Variants in METTL16 observed in about 807,000 individuals in gnomAD.
The protein encoded by METTL16 is RNA N(6)-adenosine-methyltransferase METTL16.
METTL16 carries 19 observed loss-of-function variants against 57.9 expected under a neutral mutation model. The observed-to-expected ratio is 0.33, with a 90% confidence interval of 0.23 to 0.48. The LOEUF is 0.48. METTL16 is among the 20% of genes least tolerant of loss of function. The pLI is 0.99. For missense variants in METTL16, 434 were observed against 691.5 expected (o/e 0.63, Z 4.18); for synonymous variants, 246 against 255.6 (o/e 0.96, Z 0.36).
chr17:2,460,467 T>C (rs2067141404), intron 6 of METTL16, among the ~76,000 whole-genome samples: 1 of 152,170 alleles, frequency 6.6e-6, no homozygotes, highest in African/African-American at 2.4e-5. Flanking sequence ...GTAGTTCAAA[T>C]GGTACTTTGG....
At chr17:2,429,776 GA>G (rs2066855873) in intron 8 of METTL16, among the ~76,000 whole-genome samples, 1 of 151,282 alleles carries the variant, frequency 6.6e-6, no homozygotes, top group Non-Finnish European at 1.5e-5. Context: ...CAAAAAAAAA[GA>G]ACAATCAACC....
At chr17:2,465,940 C>G (rs2067191686) in intron 5 of METTL16, among the ~76,000 whole-genome samples, 1 of 151,812 alleles carries the variant, frequency 6.6e-6, no homozygotes, top group Admixed American at 6.6e-5. Flanking sequence ...CACCTGTAAT[C>G]CCAGCACTTT....
intron 2 of METTL16, among the ~76,000 whole-genome samples, chr17:2,489,111 C>CTTTTTTTT (rs11404983): frequency 2.1e-5 from 3 of 146,314 alleles, no homozygotes; most frequent in African/African-American, 2.5e-5. Flanking sequence ...ACTTTTCATT[C>CTTTTTTTT]TTTTTTTTTT....
intron 5 of METTL16, 89 bp downstream of exon 5, chr17:2,467,672 C>T (rs1270101664): frequency 1.0e-4 from 94 of 899,600 alleles, no homozygotes; most frequent in South Asian, 9.8e-5. Context: ...ATGATTCACC[C>T]GCCTTGGCCT....
chr17:2,420,942 T>C lies in METTL16; in HGVS notation c.889-38A>G. ...GGAAGCATAGAAAAGAGAAGAAAGT[T>C]ATCCGAATAATTAAACCTCATGCAT... is the stretch of plus-strand genomic sequence containing the variant. On this transcript the variant is annotated intron_variant, in intron 8 of 9. Transcript: ENST00000263092. This position sits in a 1 kb window ranked among gnomAD's most constrained non-coding sequence, Gnocchi z 5.4. The C allele has an allele frequency of 6.3e-7, 1 of 1,597,290 alleles. No homozygotes were observed. Among genetic ancestry groups the C allele is most frequent in the East Asian group, 2.2e-5 (1 of 44,740 alleles).
rs552660960 is a variant in METTL16 at position 2,496,311 on chromosome 17, T to G, written c.128+5893A>C. The stretch of plus-strand genomic sequence containing the variant: ...AGTTCCAAATTACGTCAAACAGTGT[T>G]TTTTAGAGATGGGTCTCACCTTGTC... On this transcript the variant is annotated intron_variant, in intron 2 of 9. Transcript: ENST00000263092. Among the ~76,000 whole-genome samples, 91 of 151,668 alleles carry G rather than the reference T, an allele frequency of 6.0e-4. 5 individuals are homozygous for G. The highest frequency in any genetic ancestry group is 2.2e-3 in the African/African-American group (90 of 40,990).
intron 3 of METTL16, among the ~76,000 whole-genome samples, chr17:2,474,608 C>T (rs2067257402): frequency 1.3e-5 from 2 of 152,136 alleles, no homozygotes; most frequent in African/African-American, 4.8e-5. Flanking sequence ...TAGCCCTGGA[C>T]TGGACTATAT....
At chr17:2,440,393 C>T (rs1450680145) in intron 7 of METTL16, among the ~76,000 whole-genome samples, 13 of 151,926 alleles carry the variant, frequency 8.6e-5, no homozygotes, top group East Asian at 3.9e-4. Context: ...GGACTACAGG[C>T]GCGTGCCACC....
chr17:2,467,906 T>C (rs567763181), intron 4 of METTL16, 30 bp from the exon 5 acceptor site: 1 of 1,465,404 alleles, frequency 6.8e-7, no homozygotes, highest in Admixed American at 1.7e-5. Context: ...TGTGAACTAA[T>C]ATTAATGTTG....
At chr17:2,497,961 G>A (rs2067458588) in intron 2 of METTL16, among the ~76,000 whole-genome samples, 2 of 151,782 alleles carry the variant, frequency 1.3e-5, no homozygotes, top group Admixed American at 6.6e-5. Flanking sequence ...TTGGGAGGCT[G>A]AGGTGGGCAG....
chr17:2,487,038 G>T, intron 2 of METTL16, among the ~76,000 whole-genome samples: 1 of 143,454 alleles, frequency 7.0e-6, no homozygotes, highest in South Asian at 2.2e-4. Context: ...GCTATATCTA[G>T]ATAAAGGTAG....
chr17:2,434,644 C>G (rs1310153152), intron 8 of METTL16, among the ~76,000 whole-genome samples: 1 of 152,222 alleles, frequency 6.6e-6, no homozygotes, highest in Non-Finnish European at 1.5e-5. Context: ...CCCTGGGGCA[C>G]CTACCTGGCA....
At chr17:2,447,607 G>A (rs1253448526) in intron 6 of METTL16, among the ~76,000 whole-genome samples, 10 of 103,450 alleles carry the variant, frequency 9.7e-5, no homozygotes, top group Middle Eastern at 6.9e-3. Context: ...CCGGCCAGCC[G>A]CCCAGTCCGG....
At chr17:2,443,003 T>C (rs1367404490) in intron 6 of METTL16, among the ~76,000 whole-genome samples, 1 of 151,968 alleles carries the variant, frequency 6.6e-6, no homozygotes, top group Non-Finnish European at 1.5e-5. Flanking sequence ...AATTTTTTTG[T>C]TTTTGAGACA....
At chr17:2,483,416 T>C (rs937228904) in intron 2 of METTL16, among the ~76,000 whole-genome samples, 1 of 152,206 alleles carries the variant, frequency 6.6e-6, no homozygotes, top group Non-Finnish European at 1.5e-5. Context: ...ACAGCTTCTA[T>C]AGGACAGTGG....
At chr17:2,438,326 AC>A in intron 7 of METTL16, 128 bp from the exon 8 acceptor site, 1 of 678,858 alleles carries the variant, frequency 1.5e-6, no homozygotes, top group African/African-American at 1.8e-5. Context: ...TTACCAAACA[AC>A]AGTTATAGAT....
At chr17:2,454,570 T>C (rs1261225681) in intron 6 of METTL16, among the ~76,000 whole-genome samples, 2 of 147,730 alleles carry the variant, frequency 1.4e-5, no homozygotes, top group Non-Finnish European at 3.0e-5. Context: ...ATTATTTTTT[T>C]TTTTTTTTTT....
chr17:2,436,200 T>C (rs1376931628), intron 8 of METTL16, among the ~76,000 whole-genome samples: 3 of 152,150 alleles, frequency 2.0e-5, no homozygotes, highest in African/African-American at 7.2e-5. Context: ...AGGGCCCTGA[T>C]ATTCTAGAAA....
intron 1 of METTL16, among the ~76,000 whole-genome samples, chr17:2,506,518 C>T (rs1007453009): frequency 1.3e-5 from 2 of 150,722 alleles, no homozygotes; most frequent in African/African-American, 4.8e-5. Context: ...CAGCTCCTAA[C>T]CGCGAGTGAT....
Sources: gnomAD v4.1 joint callset for allele counts (sites outside exome capture counted in the v4.1 genomes callset) on GRCh38, gnomAD v4.1.1 for gene constraint, Gnocchi (gnomAD v3.1) non-coding constraint, MANE v1.5 for transcripts, NCBI Gene and HGNC (gene_info 2026-07-23, HGNC 2026-07-21) for gene names.